The following DSCAM variants were observed in gnomAD, a reference collection of about 807,000 sequenced individuals.
DSCAM encodes DS cell adhesion molecule, also known as cell adhesion molecule DSCAM.
Under a neutral mutation model 217.7 loss-of-function variants are expected in DSCAM, and 47 were observed. That is an observed-to-expected ratio of 0.22 (90% CI 0.17 to 0.28). The LOEUF (loss-of-function observed/expected upper bound fraction) is 0.28, where lower values mean the gene tolerates loss of function less well. DSCAM is among the 10% of genes least tolerant of loss of function. The probability of loss-of-function intolerance (pLI) is 1.00; values close to 1 mark genes in which losing one functional copy is unlikely to be tolerated. For missense variants in DSCAM, 2,080 were observed against 2,618.3 expected (o/e 0.79, Z 4.49); for synonymous variants, 1,056 against 1,015.3 (o/e 1.04, Z -0.76).
intron 8 of DSCAM, among the ~76,000 whole-genome samples, chr21:40,320,371 A>G (rs894324515): frequency 6.6e-6 from 1 of 152,194 alleles, no homozygotes; most frequent in African/African-American, 2.4e-5. Context: ...ATTTTACACA[A>G]TAAAGATTCT....
Position 40,103,328 on chromosome 21 carries a change from GA to G in DSCAM, c.3697-9455del, listed in dbSNP as rs548358214. 3.3e-5 allele frequency among the ~76,000 whole-genome samples: 5 copies of G among 150,276 alleles called. 1 individual carries two copies. In the South Asian group the frequency reaches 6.3e-4, roughly 19 times the overall value. On this transcript the variant is annotated intron_variant, in intron 20 of 32. Transcript: ENST00000400454. ...TCATAGATAGAATGTCCACAGCAGT[GA>G]AAAAAAAACTCCCCCAAGCAATAAA...
At chr21:40,589,460 C>T (rs752304645) in intron 3 of DSCAM, among the ~76,000 whole-genome samples, 9 of 152,016 alleles carry the variant, frequency 5.9e-5, no homozygotes, top group Non-Finnish European at 1.2e-4. Flanking sequence ...CCTGTAATCC[C>T]AGCTACTTGG....
rs1270471142 is a variant in DSCAM at position 40,083,900 on chromosome 21, C to T, written c.4231+8G>A. On this transcript the variant is annotated splice_region_variant and intron_variant, in intron 24 of 32. Coordinates refer to ENST00000400454, the MANE Select transcript of DSCAM (RefSeq NM_001389.5). Reference sequence around the variant, plus strand: ...ATCAACTATTGTGGACAATCTATATCTTATTACCTCTGATAGAGCTGCCCC... The same window carrying T: ...ATCAACTATTGTGGACAATCTATATTTTATTACCTCTGATAGAGCTGCCCC... 5 of 1,605,064 alleles carry T rather than the reference C, an allele frequency of 3.1e-6. No individual in the cohort carries two copies. The highest frequency in any genetic ancestry group is 3.4e-5 in the Admixed American group (2 of 59,220).
intron 1 of DSCAM, among the ~76,000 whole-genome samples, chr21:40,845,175 T>A (rs141153200): frequency 2.6e-5 from 4 of 152,244 alleles, no homozygotes; most frequent in Non-Finnish European, 5.9e-5. Context: ...TGTCAGAACT[T>A]GTTGCAATTC....
At chr21:40,197,716 T>A (rs939436260) in intron 11 of DSCAM, among the ~76,000 whole-genome samples, 1 of 152,174 alleles carries the variant, frequency 6.6e-6, no homozygotes, top group African/African-American at 2.4e-5. Context: ...TCTGTCCTTC[T>A]GTCCTTTCAC....
chr21:40,349,278 T>C (rs2074603281), intron 5 of DSCAM, among the ~76,000 whole-genome samples: 1 of 151,528 alleles, frequency 6.6e-6, no homozygotes, highest in Non-Finnish European at 1.5e-5. Flanking sequence ...ATGTATGACA[T>C]ATGTGGTTTA....
intron 20 of DSCAM, among the ~76,000 whole-genome samples, chr21:40,109,259 T>C (rs2089863255): frequency 1.3e-5 from 2 of 152,068 alleles, no homozygotes; most frequent in African/African-American, 4.8e-5. Context: ...CTGACAAAGG[T>C]CTAATATTCA....
At chr21:40,355,153 TAAAG>T (rs2074678291) in intron 4 of DSCAM, among the ~76,000 whole-genome samples, 4 of 152,008 alleles carry the variant, frequency 2.6e-5, no homozygotes, top group Non-Finnish European at 4.4e-5. Context: ...TAAGTGTAGT[TAAAG>T]AAAGAAAAAG....
intron 1 of DSCAM, among the ~76,000 whole-genome samples, chr21:40,784,940 G>A (rs1369773819): frequency 1.3e-5 from 2 of 152,118 alleles, no homozygotes; most frequent in Non-Finnish European, 2.9e-5. Flanking sequence ...TCTAAACAAA[G>A]CTGAATTATG....
chr21:40,541,559 A>G (rs555496733), intron 3 of DSCAM, among the ~76,000 whole-genome samples: 2 of 152,306 alleles, frequency 1.3e-5, no homozygotes, highest in Admixed American at 6.5e-5. Context: ...GGCCTTTCTC[A>G]GAGTCAAGAA....
chr21:40,684,340 G>A (rs1316567186), intron 3 of DSCAM, among the ~76,000 whole-genome samples: 2 of 152,212 alleles, frequency 1.3e-5, no homozygotes, highest in Non-Finnish European at 2.9e-5. Flanking sequence ...CTCCTAGACT[G>A]AGGATTCCAC....
chr21:40,686,616 T>C (rs1210575663), intron 3 of DSCAM, among the ~76,000 whole-genome samples: 1 of 152,222 alleles, frequency 6.6e-6, no homozygotes, highest in Non-Finnish European at 1.5e-5. Context: ...AGCGTACTTC[T>C]CTGTGTTGGG....
At chr21:40,171,134 G>C (rs932373733) in intron 15 of DSCAM, among the ~76,000 whole-genome samples, 2 of 152,176 alleles carry the variant, frequency 1.3e-5, no homozygotes, top group African/African-American at 4.8e-5. Context: ...CTAGAATGCA[G>C]TGGCACTATC....
chr21:40,791,652 C>CA (rs2091645042), intron 1 of DSCAM, among the ~76,000 whole-genome samples: 1 of 151,878 alleles, frequency 6.6e-6, no homozygotes, highest in East Asian at 1.9e-4. Context: ...GACACCGTCT[C>CA]AAAAAAACAA....
At chr21:40,786,602 C>T (rs2091596542) in intron 1 of DSCAM, among the ~76,000 whole-genome samples, 1 of 152,126 alleles carries the variant, frequency 6.6e-6, no homozygotes, top group Non-Finnish European at 1.5e-5. Context: ...CTGCAGGGGA[C>T]ATGGCATCTT....
chr21:40,827,987 G>T (rs75232134), intron 1 of DSCAM, among the ~76,000 whole-genome samples: 4,277 of 152,322 alleles, frequency 0.028, 198 homozygotes, highest in African/African-American at 0.098. Flanking sequence ...GATGGAAGAA[G>T]GAAGTGGTGA....
At chr21:40,321,215 G>A (rs1410546442) in intron 8 of DSCAM, among the ~76,000 whole-genome samples, 5 of 152,122 alleles carry the variant, frequency 3.3e-5, no homozygotes, top group Non-Finnish European at 7.4e-5. Context: ...CTTTGCCCCA[G>A]CTGTCAGCTC....
At chr21:40,367,496 A>G (rs1306323563) in intron 4 of DSCAM, among the ~76,000 whole-genome samples, 1 of 152,244 alleles carries the variant, frequency 6.6e-6, no homozygotes, top group Non-Finnish European at 1.5e-5. Flanking sequence ...TTAAAATGAA[A>G]TTAATTTCTC....
At chr21:40,802,446 A>G (rs1601283748) in intron 1 of DSCAM, among the ~76,000 whole-genome samples, 2 of 152,094 alleles carry the variant, frequency 1.3e-5, no homozygotes, top group Admixed American at 6.5e-5. Flanking sequence ...TGGATTGCAT[A>G]TATTTGTATG....
Sources: allele counts gnomAD v4.1 joint callset (sites outside exome capture counted in the v4.1 genomes callset), GRCh38; gene constraint gnomAD v4.1.1; transcripts MANE v1.5; gene names NCBI Gene and HGNC (gene_info 2026-07-23, HGNC 2026-07-21).